Variants in TENM2 observed in about 807,000 individuals in gnomAD.
The protein encoded by TENM2 is teneurin transmembrane protein 2.
TENM2 carries 52 observed loss-of-function variants against 245.2 expected under a neutral mutation model. The ratio of observed to expected loss-of-function variants is 0.21; its 90% confidence interval spans 0.17 to 0.27. TENM2 has a LOEUF of 0.27. TENM2 is among the 10% of genes least tolerant of loss of function. The pLI is 1.00. For synonymous variants in TENM2, 1,363 were observed against 1,438.9 expected (o/e 0.95, Z 1.19); for missense variants, 3,046 against 3,666.8 (o/e 0.83, Z 4.37).
At chr5:167,213,163 G>A in the TENM2 span, among the ~76,000 whole-genome samples, 1 of 152,194 alleles carries the variant, frequency 6.6e-6, no homozygotes, top group South Asian at 2.1e-4. Context: ...AAATAATTTT[G>A]GTAATTATTG....
chr5:167,839,868 A>T (rs895174402), intron 2 of TENM2, among the ~76,000 whole-genome samples: 1 of 152,156 alleles, frequency 6.6e-6, no homozygotes, highest in Non-Finnish European at 1.5e-5. Context: ...TACAGGCTGG[A>T]GTGCAGTGGC....
the TENM2 span, among the ~76,000 whole-genome samples, chr5:167,039,377 A>T: frequency 6.6e-6 from 1 of 152,164 alleles, no homozygotes; most frequent in African/African-American, 2.4e-5. Context: ...TCTCAGTGCA[A>T]CGTTTCTAGG....
intron 3 of TENM2, among the ~76,000 whole-genome samples, chr5:167,882,574 C>A (rs1583273823): frequency 6.6e-6 from 1 of 152,254 alleles, no homozygotes; most frequent in African/African-American, 2.4e-5. Flanking sequence ...CTGGAAAGGC[C>A]TAAGGAAACG....
intron 27 of TENM2, among the ~76,000 whole-genome samples, chr5:168,257,071 A>C (rs1437344709): frequency 1.3e-5 from 2 of 152,148 alleles, no homozygotes; most frequent in African/African-American, 4.8e-5. Flanking sequence ...TGTGCCAGGC[A>C]TTGTTGTAGG....
chr5:167,619,330 C>G (rs1778004107), intron 2 of TENM2, among the ~76,000 whole-genome samples: 1 of 152,102 alleles, frequency 6.6e-6, no homozygotes, highest in South Asian at 2.1e-4. Context: ...TCTTTCTTTA[C>G]TAACTACCAA....
At chr5:167,657,376 T>C (rs1754914909) in intron 2 of TENM2, among the ~76,000 whole-genome samples, 1 of 152,206 alleles carries the variant, frequency 6.6e-6, no homozygotes, top group Admixed American at 6.5e-5. Flanking sequence ...CTTTATCCAT[T>C]CATCTGTTGG....
At chr5:167,515,363 A>G (rs1260695401) in intron 2 of TENM2, among the ~76,000 whole-genome samples, 1 of 151,994 alleles carries the variant, frequency 6.6e-6, no homozygotes, top group Non-Finnish European at 1.5e-5. Flanking sequence ...AGTGTTTTAT[A>G]TTTATATGAC....
intron 2 of TENM2, among the ~76,000 whole-genome samples, chr5:167,391,113 C>T (rs547605026): frequency 2.2e-4 from 33 of 152,276 alleles, no homozygotes; most frequent in African/African-American, 7.5e-4. Flanking sequence ...ATCTAAGGTG[C>T]CATGTCCTCT....
At chr5:167,229,742 C>A in the TENM2 span, among the ~76,000 whole-genome samples, 3 of 152,272 alleles carry the variant, frequency 2.0e-5, no homozygotes, top group Middle Eastern at 6.8e-3. Context: ...CTTGCAGGTT[C>A]ACTGGTGGTG....
At chr5:166,991,838 A>C in the TENM2 span, among the ~76,000 whole-genome samples, 2 of 152,166 alleles carry the variant, frequency 1.3e-5, no homozygotes, top group African/African-American at 2.4e-5. Flanking sequence ...AAACAAATGG[A>C]CCTATTAGTA....
chr5:167,294,590 C>G (rs1754839691), intron 1 of TENM2, among the ~76,000 whole-genome samples: 1 of 152,126 alleles, frequency 6.6e-6, no homozygotes, highest in South Asian at 2.1e-4. Flanking sequence ...GTTTTATTCC[C>G]CATCCCACCA....
chr5:167,773,282 GA>G, intron 2 of TENM2, among the ~76,000 whole-genome samples: 1 of 152,264 alleles, frequency 6.6e-6, no homozygotes, highest in Non-Finnish European at 1.5e-5. Context: ...GAAAAACAGT[GA>G]GAGTAAATCA....
intron 7 of TENM2, among the ~76,000 whole-genome samples, chr5:168,063,350 G>A (rs1417185854): frequency 6.6e-6 from 1 of 152,106 alleles, no homozygotes; most frequent in Non-Finnish European, 1.5e-5. Flanking sequence ...TCTTCCCTTA[G>A]TTTGTCGTGG....
At chr5:167,043,101 A>G in the TENM2 span, among the ~76,000 whole-genome samples, 4 of 152,266 alleles carry the variant, frequency 2.6e-5, no homozygotes, top group Middle Eastern at 0.01. Flanking sequence ...TCTGATTATT[A>G]TTTTTTAGAT....
intron 2 of TENM2, among the ~76,000 whole-genome samples, chr5:167,796,282 T>C (rs1363450437): frequency 6.6e-6 from 1 of 152,130 alleles, no homozygotes. Flanking sequence ...ACACCTTTTA[T>C]GCAATTGTTC....
At chr5:167,976,826 C>T (rs1211631740) in intron 4 of TENM2, among the ~76,000 whole-genome samples, 1 of 150,738 alleles carries the variant, frequency 6.6e-6, no homozygotes, top group Non-Finnish European at 1.5e-5. Flanking sequence ...TGGGTATATA[C>T]CCAAATGAAT....
At chr5:167,850,792 C>G (rs1770506121) in intron 2 of TENM2, among the ~76,000 whole-genome samples, 1 of 152,166 alleles carries the variant, frequency 6.6e-6, no homozygotes, top group African/African-American at 2.4e-5. Flanking sequence ...GACCCTCAAC[C>G]AGTATCCAAG....
At chr5:167,105,659 C>T in the TENM2 span, among the ~76,000 whole-genome samples, 221 of 151,462 alleles carry the variant, frequency 1.5e-3, no homozygotes, top group Admixed American at 2.8e-3. Flanking sequence ...GAGGCCGAGG[C>T]GGGCGGATCA....
At chr5:167,062,778 G>A in the TENM2 span, among the ~76,000 whole-genome samples, 1 of 152,160 alleles carries the variant, frequency 6.6e-6, no homozygotes, top group Non-Finnish European at 1.5e-5. Context: ...GGGTATTGTG[G>A]TGGAGTGACT....
Sources: allele counts gnomAD v4.1 joint callset (sites outside exome capture counted in the v4.1 genomes callset), GRCh38; gene constraint gnomAD v4.1.1; transcripts MANE v1.5; gene names NCBI Gene and HGNC (gene_info 2026-07-23, HGNC 2026-07-21).